Variants in PKHD1L1 observed in about 807,000 individuals in gnomAD.
The protein encoded by PKHD1L1 is PKHD1 like 1.
PKHD1L1 carries 434 observed loss-of-function variants against 462.9 expected under a neutral mutation model. The observed-to-expected ratio is 0.94, with a 90% CI of 0.87 to 1.02. The LOEUF (loss-of-function observed/expected upper bound fraction) is 1.02, where lower values mean the gene tolerates loss of function less well. Ranked by LOEUF, PKHD1L1 falls within the 50% of genes least tolerant of loss-of-function variation. The pLI is 0.00. For synonymous variants in PKHD1L1, 1,781 were observed against 1,750.0 expected (o/e 1.02, Z -0.44); for missense variants, 5,202 against 5,096.1 (o/e 1.02, Z -0.63).
intron 32 of PKHD1L1, among the ~76,000 whole-genome samples, 185 bp downstream of exon 32, chr8:109,439,277 C>G (rs1231166824): frequency 6.6e-6 from 1 of 152,072 alleles, no homozygotes; most frequent in Non-Finnish European, 1.5e-5. Context: ...GTTTTGAGAC[C>G]AATACCATTC....
chr8:109,382,433 T>G (rs1279029372), intron 3 of PKHD1L1, 30 bp from the exon 4 acceptor site: 1 of 1,534,140 alleles, frequency 6.5e-7, no homozygotes, highest in South Asian at 1.2e-5. Flanking sequence ...AGGAATTGCA[T>G]GTCTCATATA....
At chr8:109,509,248 G>A (rs2844257) in intron 70 of PKHD1L1, among the ~76,000 whole-genome samples, 35,960 of 151,690 alleles carry the variant, frequency 0.24, 4,933 homozygotes, top group African/African-American at 0.34. Context: ...GCTGCTTTTC[G>A]GATTGTATGA....
Position 109,536,165 on chromosome 8 carries a change from T to G in PKHD1L1, c.*6075T>G, listed in dbSNP as rs1231973481. On this transcript the variant is annotated 3_prime_UTR_variant, in exon 78 of 78. Transcript: ENST00000378402. The stretch of plus-strand genomic sequence containing the variant: ...TGTGAGCTAAAGGGGATTGTACTGA[T>G]CTTGAAGATAACAAATCTGCCTGCT... 6.6e-6 allele frequency among the ~76,000 whole-genome samples: 1 copy of G among 152,216 alleles called. No individual in the cohort carries two copies. The highest frequency in any genetic ancestry group is 6.5e-5 in the Admixed American group (1 of 15,286).
intron 46 of PKHD1L1, among the ~76,000 whole-genome samples, chr8:109,456,685 A>G (rs1280815690): frequency 6.6e-6 from 1 of 152,202 alleles, no homozygotes; most frequent in East Asian, 1.9e-4. Context: ...GTAAGAATCT[A>G]TTTGGAAAAA....
intron 71 of PKHD1L1, among the ~76,000 whole-genome samples, chr8:109,513,374 A>G (rs6469264): frequency 0.18 from 27,260 of 152,096 alleles, 2,613 homozygotes; most frequent in South Asian, 0.37. Flanking sequence ...TTATTCTTCA[A>G]TGCTGCTATT....
At chr8:109,477,425 T>G (rs749631736) in intron 53 of PKHD1L1, 29 bp downstream of exon 53, 1 of 1,561,002 alleles carries the variant, frequency 6.4e-7, no homozygotes, top group Admixed American at 1.7e-5. Flanking sequence ...GTTGATACCC[T>G]TCAATATCTC....
At chr8:109,474,585 T>C (rs1394413527) in intron 50 of PKHD1L1, among the ~76,000 whole-genome samples, 4 of 152,126 alleles carry the variant, frequency 2.6e-5, no homozygotes, top group African/African-American at 9.7e-5. Flanking sequence ...TATTTACTAG[T>C]AAACATTAAT....
intron 38 of PKHD1L1, among the ~76,000 whole-genome samples, chr8:109,447,029 G>T (rs1237536953): frequency 6.6e-6 from 1 of 152,096 alleles, no homozygotes; most frequent in Non-Finnish European, 1.5e-5. Flanking sequence ...TTCGAGATCA[G>T]CCTGGGCAAC....
chr8:109,400,083 A>G lies in PKHD1L1; in HGVS notation c.1020A>G (p.Arg340=). The G allele has an allele frequency of 3.7e-6, 6 of 1,608,824 alleles. No homozygotes were observed. The highest frequency in any genetic ancestry group is 5.1e-6 in the Non-Finnish European group (6 of 1,176,984). ...HILKTVYPGG[R]GLKLEVWNNS... is the part of the protein sequence containing the mutation. ...TTATTTCATTACACTTAGGAGGGAG[A>G]GGCCTGAAGCTTGAGGTGTGGAATA... is the stretch of plus-strand genomic sequence containing the variant. The change falls in exon 13 of 78, where the codon AGA becomes AGG. Residue 340 remains arginine, a synonymous_variant. Coordinates refer to ENST00000378402, the MANE Select transcript of PKHD1L1 (RefSeq NM_177531.6).
chr8:109,366,062 T>G (rs926963662), intron 2 of PKHD1L1, among the ~76,000 whole-genome samples: 3 of 152,180 alleles, frequency 2.0e-5, no homozygotes, highest in African/African-American at 7.2e-5. Flanking sequence ...ATGGCTTCAG[T>G]TTAAGCACAT....
At position 109,390,503 on chromosome 8, in the gene PKHD1L1, T is replaced by C. The variant is rs143460505; in HGVS notation, c.740+9T>C. 369 of 1,408,468 alleles carry C rather than the reference T, an allele frequency of 2.6e-4. No homozygotes were observed. The African/African-American group carries it at 5.0e-3, about 19-fold the overall frequency. The allele number at this position is 1,408,468 out of a possible 1,614,324, so 87.2% of individuals were successfully genotyped here. A position where few individuals can be genotyped will look rare whatever the true frequency, so the allele number is the denominator to read the frequency against. On this transcript the variant is annotated intron_variant, in intron 9 of 77. Transcript: ENST00000378402. ...GATAATGATTATGGAAGGTAGGCTATTTTGTAAATAATAACTTTTATAATT... is the reference window on the plus strand; with the variant it reads ...GATAATGATTATGGAAGGTAGGCTACTTTGTAAATAATAACTTTTATAATT...
Position 109,490,007 on chromosome 8 carries a change from G to A in PKHD1L1, c.9936G>A (p.Arg3312=). ...ATCACAGTGGTCAAGAAGGCTTCAG[G>A]GATAGCACAGATCCAAGATATGCTG... The part of the protein sequence containing the change: ...EFYHSGQEGF[R]DSTDPRYAVT... The change falls in exon 60 of 78, where the codon AGG becomes AGA. Residue 3312 remains arginine, a synonymous_variant. Transcript: ENST00000378402. The A allele has an allele frequency of 6.2e-7, 1 of 1,609,614 alleles. No individual in the cohort carries two copies. The highest frequency in any genetic ancestry group is 1.3e-5 in the African/African-American group (1 of 74,808).
rs770407784 is a variant in PKHD1L1, at chr8:109,523,275, G to A, written c.12373G>A (p.Ala4125Thr). 2 of 1,610,960 alleles carry A rather than the reference G, an allele frequency of 1.2e-6. No individual in the cohort carries two copies. Among genetic ancestry groups the A allele is most frequent in the Admixed American group, 1.7e-5 (1 of 59,780 alleles). Residue 4125 changes from alanine to threonine, a missense_variant, in exon 76 of 78, where the codon GCC becomes ACC. Physicochemically the swap from Ala to Thr is moderately conservative, Grantham distance 58. Coordinates refer to ENST00000378402, the MANE Select transcript of PKHD1L1 (RefSeq NM_177531.6). Reference sequence around the variant, plus strand: ...TGGAATTACTGCACTAACTTTGAGGGCCATACTCAAGGACTCCAATAATAA... The same window carrying A: ...TGGAATTACTGCACTAACTTTGAGGACCATACTCAAGGACTCCAATAATAA... Reference protein sequence around the residue: ...SVGITALTLRAILKDSNNNQV... With the variant: ...SVGITALTLRTILKDSNNNQV...
At chr8:109,400,603 CTCTA>C (rs1322485749) in intron 13 of PKHD1L1, among the ~76,000 whole-genome samples, 2 of 76,124 alleles carry the variant, frequency 2.6e-5, no homozygotes, top group Non-Finnish European at 6.4e-5. Flanking sequence ...AAATTCATCT[CTCTA>C]TTTTTTATAA....
intron 5 of PKHD1L1, 111 bp downstream of exon 5, chr8:109,384,238 C>G: frequency 1.1e-6 from 1 of 916,960 alleles, no homozygotes; most frequent in South Asian, 1.6e-5. Flanking sequence ...GCATTTTTTT[C>G]ATTATAAAAA....
chr8:109,433,230 A>G lies in PKHD1L1; in HGVS notation c.3340+14A>G. 1 of 1,558,688 alleles carries G rather than the reference A, an allele frequency of 6.4e-7. No individual in the cohort carries two copies. The highest frequency in any genetic ancestry group is 1.1e-5 in the South Asian group (1 of 88,582). On this transcript the variant is annotated intron_variant, in intron 28 of 77. Coordinates refer to ENST00000378402, the MANE Select transcript of PKHD1L1 (RefSeq NM_177531.6). ...TTTCTGTGGATGGTAGGTCCTTTTA[A>G]AAACTATTAAGTCTAATTGTTCTTC...
In PKHD1L1 at chr8:109,454,149, A is replaced by G; in HGVS notation, c.6665-18A>G. 1 of 1,565,860 alleles carries G rather than the reference A, an allele frequency of 6.4e-7. No homozygotes were observed. The highest frequency in any genetic ancestry group is 2.3e-5 in the East Asian group (1 of 44,044). ...AGATTTTTCCTTGTGATGTATTTCA[A>G]AATTGTATGATTCATAGGTGGGACT... is the stretch of plus-strand genomic sequence containing the variant. On this transcript the variant is annotated intron_variant, in intron 43 of 77. Transcript: ENST00000378402.
chr8:109,535,203 CA>C lies in PKHD1L1; in HGVS notation c.*5125del, dbSNP rs201422380. Among the ~76,000 whole-genome samples the C allele has an allele frequency of 5.9e-4, 85 of 143,040 alleles. No homozygotes were observed. Among genetic ancestry groups the C allele is most frequent in the Middle Eastern group, 7.0e-3 (2 of 284 alleles). The allele number at this position is 143,040 out of a possible 152,430, so 93.8% of individuals were successfully genotyped here. Reference sequence around the variant, plus strand: ...TGGTAATGGGCTCTGTGCCTATGAGCAAAAAAAAAAAATTCCTTTTGTGCAA... The same window carrying C: ...TGGTAATGGGCTCTGTGCCTATGAGCAAAAAAAAAAATTCCTTTTGTGCAA... On this transcript the variant is annotated 3_prime_UTR_variant, in exon 78 of 78. Coordinates refer to ENST00000378402, the MANE Select transcript of PKHD1L1 (RefSeq NM_177531.6).
At chr8:109,381,258 T>G (rs921265617) in intron 2 of PKHD1L1, 112 bp from the exon 3 acceptor site, 30 of 922,796 alleles carry the variant, frequency 3.3e-5, no homozygotes, top group Non-Finnish European at 4.3e-5. Flanking sequence ...GGTTCACTGC[T>G]TCAGTAATGT....
Sources: gnomAD v4.1 joint callset for allele counts (sites outside exome capture counted in the v4.1 genomes callset) on GRCh38, gnomAD v4.1.1 for gene constraint, MANE v1.5 for transcripts, NCBI Gene and HGNC (gene_info 2026-07-23, HGNC 2026-07-21) for gene names.